Variants in ZNF778 observed in about 807,000 individuals in gnomAD.
The protein encoded by ZNF778 is zinc finger protein 778.
ZNF778 carries 37 observed loss-of-function variants against 23.9 expected under a neutral mutation model. The ratio of observed to expected loss-of-function variants is 1.54; its 90% CI spans 1.19 to 2.03. The LOEUF (loss-of-function observed/expected upper bound fraction) is 2.03. Among genes scored for constraint, ZNF778 ranks in the 30% most tolerant of loss-of-function variants. The pLI, the probability that ZNF778 is intolerant of heterozygous loss-of-function variation, is 0.00. For missense variants in ZNF778, 1,297 were observed against 934.4 expected (o/e 1.39, Z -5.06); for synonymous variants, 483 against 343.9 (o/e 1.40, Z -4.48).
rs1363881694 is a variant in ZNF778 at position 89,227,935 on chromosome 16, T to A, written c.1647T>A (p.Asn549Lys). 6.2e-7 allele frequency: 1 copy of A among 1,613,922 alleles called. No individual in the cohort carries two copies. Among genetic ancestry groups the A allele is most frequent in the South Asian group, 1.1e-5 (1 of 91,058 alleles). ...GKAYNRVYLL[N>K]EHVKTHTEEK... ...CCTACAATAGGGTTTATCTACTGAATGAGCATGTGAAAACTCACACAGAGG... is the reference window on the plus strand; with the variant it reads ...CCTACAATAGGGTTTATCTACTGAAAGAGCATGTGAAAACTCACACAGAGG... Residue 549 changes from asparagine (N) to lysine (K), a missense_variant, in exon 7 of 7, where the codon AAT becomes AAA. By Grantham distance (94) the Asn-to-Lys change is moderately conservative. Coordinates refer to ENST00000433976, the MANE Select transcript of ZNF778 (RefSeq NM_001201407.2).
At position 89,224,727 on chromosome 16, in the gene ZNF778, C is replaced by T. The variant is rs769515759; in HGVS notation, c.253C>T (p.Leu85=). 1.3e-6 allele frequency: 2 copies of T among 1,535,382 alleles called. No homozygotes were observed. The highest frequency in any genetic ancestry group is 2.4e-5 in the South Asian group (2 of 84,034). The change falls in exon 5 of 7, where the codon CTG becomes TTG. Residue 85 remains leucine (L), a synonymous_variant. Coordinates refer to ENST00000433976, the MANE Select transcript of ZNF778 (RefSeq NM_001201407.2). ...TCTTTCCCTGTGTACAGGACATCAC[C>T]TGTTCCAACCCAGTGTGATCTATTG... is the stretch of plus-strand genomic sequence containing the variant. ...YENLASVGHH[L]FQPSVIYWLE...
At position 89,236,382 on chromosome 16, in the gene ZNF778, C is replaced by G. The variant is rs187771477; in HGVS notation, c.*7820C>G. On this transcript the variant is annotated 3_prime_UTR_variant, in exon 7 of 7. Coordinates refer to ENST00000433976, the MANE Select transcript of ZNF778 (RefSeq NM_001201407.2). The stretch of plus-strand genomic sequence containing the variant: ...CAAGTTCTGAAATAAAAAGAAATGC[C>G]AACCCAGATTGCTATATCCAACAAA... 2.6e-5 allele frequency: 4 copies of G among 152,090 alleles called. No homozygotes were observed. The highest frequency in any genetic ancestry group is 4.4e-5 in the Non-Finnish European group (3 of 68,012). The allele number at this position is 152,090 out of a possible 1,614,324, so 9.4% of individuals were successfully genotyped here.
rs772417679 is a variant in ZNF778 at position 89,233,478 on chromosome 16, ACTCACACTGCGTATGCAACTCAG to A, written c.*4919_*4941del. ...CAACTCGCACTGCGTGTGCAACTCA[ACTCACACTGCGTATGCAACTCAG>A]CTTGCTCTGTGTATGCAACTCAACT... On this transcript the variant is annotated 3_prime_UTR_variant, in exon 7 of 7. Coordinates refer to ENST00000433976, the MANE Select transcript of ZNF778 (RefSeq NM_001201407.2). 6.0e-6 allele frequency: 5 copies of A among 830,726 alleles called. No individual in the cohort carries two copies. Among genetic ancestry groups the A allele is most frequent in the African/African-American group, 3.4e-5 (1 of 29,542 alleles). The allele number at this position is 830,726 out of a possible 1,614,324, so 51.5% of individuals were successfully genotyped here.
rs977577635 is a variant in ZNF778, at chr16:89,228,766, A to G, written c.*204A>G. On this transcript the variant is annotated 3_prime_UTR_variant, in exon 7 of 7. Transcript: ENST00000433976. Reference sequence around the variant, plus strand: ...AGTGTTCTCTAAGGTCTTGCTGAATATGGATGGTATCCAGTAGAGAGAACT... The same window carrying G: ...AGTGTTCTCTAAGGTCTTGCTGAATGTGGATGGTATCCAGTAGAGAGAACT... 9.4e-6 allele frequency: 13 copies of G among 1,377,798 alleles called. No homozygotes were observed. The highest frequency in any genetic ancestry group is 1.2e-5 in the Non-Finnish European group (13 of 1,070,240). 85.3% of individuals were successfully genotyped at this position (1,377,798 alleles called of 1,614,324 possible).
chr16:89,234,153 T>C lies in ZNF778; in HGVS notation c.*5591T>C, dbSNP rs539827662. 7.6e-5 allele frequency: 33 copies of C among 433,338 alleles called. No individual in the cohort carries two copies. The highest frequency in any genetic ancestry group is 6.0e-4 in the African/African-American group (30 of 49,738). 26.8% of individuals were successfully genotyped at this position (433,338 alleles called of 1,614,324 possible). A position where few individuals can be genotyped will look rare whatever the true frequency, so the allele number is the denominator to read the frequency against. ...AAACTTTCCATGTCAGGAACCTGTG[T>C]GTGTCACTCACTCACCTTGACGAGT... On this transcript the variant is annotated 3_prime_UTR_variant, in exon 7 of 7. Transcript: ENST00000433976.
At chr16:89,223,046 A>C (rs1053463367) in intron 3 of ZNF778, 111 bp from the exon 4 acceptor site, 3 of 1,305,310 alleles carry the variant, frequency 2.3e-6, no homozygotes, top group Non-Finnish European at 3.1e-6. Context: ...GCCATGGGGT[A>C]GACAGTAGGA....
chr16:89,220,530 C>T (rs893080819), intron 1 of ZNF778, among the ~76,000 whole-genome samples: 4 of 152,100 alleles, frequency 2.6e-5, no homozygotes, highest in Non-Finnish European at 5.9e-5. Context: ...TGGTGGCACT[C>T]GCCTGTAGTC....
At position 89,228,582 on chromosome 16, in the gene ZNF778, C is replaced by G. The variant is rs745541658; in HGVS notation, c.*20C>G. 1 of 1,550,712 alleles carries G rather than the reference C, an allele frequency of 6.4e-7. No individual in the cohort carries two copies. ...TTCTAATGTAAAGAATGTGGGGAAG[C>G]TGTCAGCTACACTCATTCACGTTGA... On this transcript the variant is annotated 3_prime_UTR_variant, in exon 7 of 7. Transcript: ENST00000433976.
intron 1 of ZNF778, among the ~76,000 whole-genome samples, chr16:89,220,190 C>A (rs1016746744): frequency 1.1e-4 from 16 of 152,162 alleles, no homozygotes; most frequent in African/African-American, 3.4e-4. Flanking sequence ...AGCCCAAAGA[C>A]CTCGCCCCCG....
chr16:89,233,997 C>A lies in ZNF778; in HGVS notation c.*5435C>A. On this transcript the variant is annotated 3_prime_UTR_variant, in exon 7 of 7. Coordinates refer to ENST00000433976, the MANE Select transcript of ZNF778 (RefSeq NM_001201407.2). ...GCCCCAGACTTCATCCTGCCCTGTC[C>A]TGCCTTTCCTGTGAAAACCCTGTGG... 8.3e-7 allele frequency: 1 copy of A among 1,200,042 alleles called. No individual in the cohort carries two copies. Among genetic ancestry groups the A allele is most frequent in the Non-Finnish European group, 1.1e-6 (1 of 907,264 alleles). 74.3% of individuals were successfully genotyped at this position (1,200,042 alleles called of 1,614,324 possible). A position where few individuals can be genotyped will look rare whatever the true frequency, so the allele number is the denominator to read the frequency against.
In ZNF778 at chr16:89,234,162, C is replaced by A. The variant is rs1005575502; in HGVS notation, c.*5600C>A. The A allele has an allele frequency of 2.4e-6, 1 of 421,732 alleles. No individual in the cohort carries two copies. Among genetic ancestry groups the A allele is most frequent in the Non-Finnish European group, 4.7e-6 (1 of 214,976 alleles). The allele number at this position is 421,732 out of a possible 1,614,324, so 26.1% of individuals were successfully genotyped here. A position where few individuals can be genotyped will look rare whatever the true frequency, so the allele number is the denominator to read the frequency against. On this transcript the variant is annotated 3_prime_UTR_variant, in exon 7 of 7. Coordinates refer to ENST00000433976, the MANE Select transcript of ZNF778 (RefSeq NM_001201407.2). ...ATGTCAGGAACCTGTGTGTGTCACT[C>A]ACTCACCTTGACGAGTCCGCGTCTA...
intron 3 of ZNF778, among the ~76,000 whole-genome samples, chr16:89,222,800 T>C (rs1186603357): frequency 6.6e-6 from 1 of 152,212 alleles, no homozygotes; most frequent in Non-Finnish European, 1.5e-5. Context: ...CACTTGTTTG[T>C]AGTGTGCTCA....
chr16:89,220,905 T>A, intron 1 of ZNF778, 92 bp from the exon 2 acceptor site: 1 of 556,696 alleles, frequency 1.8e-6, no homozygotes, highest in Non-Finnish European at 3.3e-6. Context: ...GTAAAGTGGA[T>A]ATAGTGGCTT....
chr16:89,234,574 T>G lies in ZNF778; in HGVS notation c.*6012T>G, dbSNP rs2032184763. The G allele has an allele frequency of 6.1e-6, 1 of 163,546 alleles. No homozygotes were observed. The highest frequency in any genetic ancestry group is 2.4e-5 in the African/African-American group (1 of 41,518). 10.1% of individuals were successfully genotyped at this position (163,546 alleles called of 1,614,324 possible). A position where few individuals can be genotyped will look rare whatever the true frequency, so the allele number is the denominator to read the frequency against. On this transcript the variant is annotated 3_prime_UTR_variant, in exon 7 of 7. Coordinates refer to ENST00000433976, the MANE Select transcript of ZNF778 (RefSeq NM_001201407.2). ...GAGTCACCACTTGTGACTTAGAAGA[T>G]TGCAGTGGTTTCCACTTCACCTGTT...
At position 89,225,603 on chromosome 16, in the gene ZNF778, G is replaced by C. The variant is rs745845609; in HGVS notation, c.377G>C (p.Trp126Ser). 1 of 1,612,330 alleles carries C rather than the reference G, an allele frequency of 6.2e-7. No homozygotes were observed. Among genetic ancestry groups the C allele is most frequent in the Non-Finnish European group, 8.5e-7 (1 of 1,179,058 alleles). Reference sequence around the variant, plus strand: ...CCAGCACTTCGGCAGGATAGATCTTGGTTCAGAGCATCAAATGAGACACAG... The same window carrying C: ...CCAGCACTTCGGCAGGATAGATCTTCGTTCAGAGCATCAAATGAGACACAG... ...KGPALRQDRS[W>S]FRASNETQTA... The change falls in exon 6 of 7, where the codon TGG (tryptophan) becomes TCG (serine). Residue 126 changes from tryptophan to serine, a missense_variant. Physicochemically the swap from Trp to Ser is radical, Grantham distance 177. Coordinates refer to ENST00000433976, the MANE Select transcript of ZNF778 (RefSeq NM_001201407.2).
Position 89,225,507 on chromosome 16 carries a change from A to G in ZNF778, c.329-48A>G, listed in dbSNP as rs1035355194. On this transcript the variant is annotated intron_variant, in intron 5 of 6. Transcript: ENST00000433976. ...TTCTGCCATGTCTTATATGAAAACAAATACCAATGAGTTTGATCGTTTTTA... is the reference window on the plus strand; with the variant it reads ...TTCTGCCATGTCTTATATGAAAACAGATACCAATGAGTTTGATCGTTTTTA... 10 of 1,461,578 alleles carry G rather than the reference A, an allele frequency of 6.8e-6. No homozygotes were observed. In the African/African-American group the frequency reaches 1.1e-4, roughly 16 times the overall value. The allele number at this position is 1,461,578 out of a possible 1,614,324, so 90.5% of individuals were successfully genotyped here.
Position 89,222,746 on chromosome 16 carries a change from G to A in ZNF778, c.118-411G>A, listed in dbSNP as rs181625389. 8.1e-4 allele frequency among the ~76,000 whole-genome samples: 123 copies of A among 152,364 alleles called. 2 individuals are homozygous for A. The highest frequency in any genetic ancestry group is 1.2e-4 in the Non-Finnish European group (8 of 68,040). ...GTGCTCTGACACATGGTAAGGAAGGGGAAGGTATCCTCTCTGGGAACTTAT... is the reference window on the plus strand; with the variant it reads ...GTGCTCTGACACATGGTAAGGAAGGAGAAGGTATCCTCTCTGGGAACTTAT... On this transcript the variant is annotated intron_variant, in intron 3 of 6. Coordinates refer to ENST00000433976, the MANE Select transcript of ZNF778 (RefSeq NM_001201407.2).
rs200385359 is a variant in ZNF778, at chr16:89,221,585, G to C, written c.25+433G>C. Among the ~76,000 whole-genome samples, 8 of 2,444 alleles carry C rather than the reference G, an allele frequency of 3.3e-3. No individual in the cohort carries two copies. In the East Asian group the frequency reaches 0.11, roughly 34 times the overall value. 1.6% of individuals were successfully genotyped at this position (2,444 alleles called of 152,430 possible). A position where few individuals can be genotyped will look rare whatever the true frequency, so the allele number is the denominator to read the frequency against. ...TGTTTTCCTGAGGCACTGTATGGCT[G>C]TGTGTGTGTGTGTGTGTGTGTGTGT... On this transcript the variant is annotated intron_variant, in intron 2 of 6. Coordinates refer to ENST00000433976, the MANE Select transcript of ZNF778 (RefSeq NM_001201407.2).
At chr16:89,220,161 A>C (rs1024279016) in intron 1 of ZNF778, among the ~76,000 whole-genome samples, 2 of 152,218 alleles carry the variant, frequency 1.3e-5, no homozygotes, top group African/African-American at 4.8e-5. Flanking sequence ...AACAAAGTCA[A>C]CACATTTGTG....
Sources: allele counts gnomAD v4.1 joint callset (sites outside exome capture counted in the v4.1 genomes callset), GRCh38; gene constraint gnomAD v4.1.1; transcripts MANE v1.5; gene names NCBI Gene and HGNC (gene_info 2026-07-23, HGNC 2026-07-21).